The following DNMBP variants were observed in gnomAD, a reference collection of about 807,000 sequenced individuals.
DNMBP encodes the protein dynamin-binding protein.
Under a neutral mutation model 150.0 loss-of-function variants are expected in DNMBP, and 87 were observed. The ratio of observed to expected loss-of-function variants is 0.58; its 90% CI spans 0.49 to 0.69. The LOEUF (loss-of-function observed/expected upper bound fraction) is 0.69. Among genes scored for constraint, DNMBP ranks in the 30% least tolerant of loss-of-function variants. The pLI, the probability that DNMBP is intolerant of heterozygous loss-of-function variation, is 0.00. For synonymous variants in DNMBP, 711 were observed against 750.4 expected (o/e 0.95, Z 0.86); for missense variants, 1,774 against 1,949.0 (o/e 0.91, Z 1.69).
At chr10:99,914,485 C>T (rs1468360781) in intron 4 of DNMBP, among the ~76,000 whole-genome samples, 1 of 152,084 alleles carries the variant, frequency 6.6e-6, no homozygotes, top group Non-Finnish European at 1.5e-5. Flanking sequence ...CAGTCTTTCA[C>T]CCACAGCTTA....
At chr10:99,901,124 C>G (rs1253843976) in intron 6 of DNMBP, among the ~76,000 whole-genome samples, 2 of 152,158 alleles carry the variant, frequency 1.3e-5, no homozygotes, top group Non-Finnish European at 2.9e-5. Flanking sequence ...TTAGTAGAGA[C>G]AGGGTTTTGC....
Position 99,885,603 on chromosome 10 carries a change from G to T in DNMBP, c.3798+84C>A. On this transcript the variant is annotated intron_variant, in intron 14 of 16. Coordinates refer to ENST00000324109, the MANE Select transcript of DNMBP (RefSeq NM_015221.4). The stretch of plus-strand genomic sequence containing the variant: ...ATTATGAAATACAGAAACTCCAATA[G>T]TGGGATCTGGGCCTGGGGGCCTGGC... The T allele has an allele frequency of 2.4e-6, 3 of 1,236,132 alleles. No individual in the cohort carries two copies. The South Asian group carries it at 4.7e-5, about 19-fold the overall frequency. 76.6% of individuals were successfully genotyped at this position (1,236,132 alleles called of 1,614,324 possible).
At chr10:99,997,759 C>G (rs1208507415) in intron 1 of DNMBP, among the ~76,000 whole-genome samples, 1 of 151,592 alleles carries the variant, frequency 6.6e-6, no homozygotes, top group African/African-American at 2.4e-5. Flanking sequence ...CCAGCCTGGG[C>G]AACATGGCAA....
intron 4 of DNMBP, among the ~76,000 whole-genome samples, chr10:99,923,993 A>G (rs967172530): frequency 1.3e-5 from 2 of 152,202 alleles, no homozygotes; most frequent in Admixed American, 6.5e-5. Context: ...TCCCTACAAA[A>G]AAATACAAAA....
intron 4 of DNMBP, among the ~76,000 whole-genome samples, chr10:99,933,225 G>A (rs2040180755): frequency 6.6e-6 from 1 of 151,406 alleles, no homozygotes; most frequent in Non-Finnish European, 1.5e-5. Flanking sequence ...GAGCCTGGGA[G>A]GTCAAGGCTA....
At chr10:99,899,722 T>G (rs1419773915) in intron 7 of DNMBP, among the ~76,000 whole-genome samples, 197 bp downstream of exon 7, 1 of 152,190 alleles carries the variant, frequency 6.6e-6, no homozygotes, top group Non-Finnish European at 1.5e-5. Context: ...TTTAACCTGA[T>G]AACGCTAACC....
In DNMBP at chr10:99,886,472, T is replaced by G. The variant is rs1424357477; in HGVS notation, c.3446A>C (p.Glu1149Ala). ...EKLKDKKTLE[E>A]LQSARNNYEA... is the part of the protein sequence containing the mutation. ...ATAGTTGTTCCGGGCCGACTGCAGC[T>G]CCTCCAGGGTCTTCTTGTCCTTTAG... The change falls in exon 13 of 17, where the codon GAG (glutamate) becomes GCG (alanine). Residue 1149 changes from glutamate (E) to alanine (A), a missense_variant. This residue lies in a region of DNMBP where 1,430 missense variants were observed against 1,492.5 expected (regional missense o/e 0.96). Coordinates refer to ENST00000324109, the MANE Select transcript of DNMBP (RefSeq NM_015221.4). The G allele has an allele frequency of 1.9e-6, 3 of 1,614,158 alleles. No individual in the cohort carries two copies. Among genetic ancestry groups the G allele is most frequent in the Admixed American group, 1.7e-5 (1 of 60,010 alleles).
chr10:99,964,970 G>T (rs1720895400), intron 3 of DNMBP, among the ~76,000 whole-genome samples: 1 of 151,866 alleles, frequency 6.6e-6, no homozygotes, highest in African/African-American at 2.4e-5. Context: ...GAAGAAGGGT[G>T]ACATCTGCTG....
At chr10:99,981,053 C>T (rs1214196281) in intron 1 of DNMBP, among the ~76,000 whole-genome samples, 1 of 151,906 alleles carries the variant, frequency 6.6e-6, no homozygotes, top group African/African-American at 2.4e-5. Flanking sequence ...TTACTTAATG[C>T]CACAAAACTG....
chr10:99,906,572 G>A (rs575360177), intron 6 of DNMBP, among the ~76,000 whole-genome samples: 218 of 152,244 alleles, frequency 1.4e-3, no homozygotes, highest in Non-Finnish European at 2.3e-3. Flanking sequence ...TTGCTCTTGC[G>A]TGCTCTCTCT....
chr10:99,930,922 G>GCT (rs1384608278), intron 4 of DNMBP: 5 of 517,306 alleles, frequency 9.7e-6, no homozygotes, highest in Non-Finnish European at 1.7e-5. Context: ...GGAGCGCAGT[G>GCT]AGATGTGGAG....
chr10:99,902,138 C>T lies in DNMBP; in HGVS notation c.2555-2072G>A, dbSNP rs763176289. ...CTCTTGGGCTCAAGTGATCCACCTGCCTCGGCCCTTCCAAAGTGCTGGGAT... is the reference window on the plus strand; with the variant it reads ...CTCTTGGGCTCAAGTGATCCACCTGTCTCGGCCCTTCCAAAGTGCTGGGAT... On this transcript the variant is annotated intron_variant, in intron 6 of 16. Coordinates refer to ENST00000324109, the MANE Select transcript of DNMBP (RefSeq NM_015221.4). 3.4e-4 allele frequency among the ~76,000 whole-genome samples: 52 copies of T among 152,138 alleles called. 1 individual carries two copies. Among genetic ancestry groups the T allele is most frequent in the Admixed American group, 1.9e-3 (29 of 15,276 alleles).
At chr10:99,898,008 G>T in intron 9 of DNMBP, 78 bp downstream of exon 9, 1 of 1,297,356 alleles carries the variant, frequency 7.7e-7, no homozygotes, top group Non-Finnish European at 1.1e-6. Flanking sequence ...TCCAACTCTA[G>T]CGAAGTAATG....
At chr10:99,903,681 G>T (rs7896859) in intron 6 of DNMBP, among the ~76,000 whole-genome samples, 55,810 of 151,978 alleles carry the variant, frequency 0.37, 10,650 homozygotes, top group South Asian at 0.42. Context: ...TCATCTGGTT[G>T]CACCATTCTA....
chr10:99,977,546 C>T (rs1351515665), intron 1 of DNMBP, among the ~76,000 whole-genome samples: 6 of 152,140 alleles, frequency 3.9e-5, no homozygotes, highest in African/African-American at 1.2e-4. Context: ...CTGGTGAACG[C>T]CTATCTTTCC....
chr10:99,893,875 T>C (rs185484812), intron 11 of DNMBP, among the ~76,000 whole-genome samples: 1 of 152,308 alleles, frequency 6.6e-6, no homozygotes, highest in East Asian at 1.9e-4. Flanking sequence ...GGTGACTGTC[T>C]CTACAGAAGG....
At chr10:99,987,616 C>A (rs535997819) in intron 1 of DNMBP, among the ~76,000 whole-genome samples, 30 of 152,116 alleles carry the variant, frequency 2.0e-4, no homozygotes, top group Admixed American at 7.2e-4. Context: ...CACCTGTAGT[C>A]CCAGCTACTT....
intron 1 of DNMBP, among the ~76,000 whole-genome samples, chr10:100,001,768 T>C (rs761000208): frequency 2.6e-5 from 4 of 151,098 alleles, no homozygotes; most frequent in Admixed American, 6.6e-5. Context: ...CCATTCTATT[T>C]ATTTTCTGAA....
intron 4 of DNMBP, chr10:99,914,150 A>T (rs956389981): frequency 7.8e-7 from 1 of 1,289,938 alleles, no homozygotes; most frequent in Non-Finnish European, 9.9e-7. Context: ...CTTGTCCTAA[A>T]GGATGGAGCT....
Sources: allele counts gnomAD v4.1 joint callset (sites outside exome capture counted in the v4.1 genomes callset), GRCh38; gene constraint gnomAD v4.1.1; regional missense constraint gnomAD v4.1.1; transcripts MANE v1.5; gene names NCBI Gene and HGNC (gene_info 2026-07-23, HGNC 2026-07-21).